FBXL17: variants seen among roughly 807,000 people sequenced by gnomAD.
FBXL17 encodes the protein F-box and leucine rich repeat protein 17.
Under a neutral mutation model 66.2 loss-of-function variants are expected in FBXL17, and 22 were observed. The observed-to-expected ratio is 0.33, with a 90% CI of 0.24 to 0.47. The LOEUF (loss-of-function observed/expected upper bound fraction) is 0.47, where lower values mean the gene tolerates loss of function less well. Ranked by LOEUF, FBXL17 falls within the 20% of genes least tolerant of loss-of-function variation. The probability of loss-of-function intolerance (pLI) is 1.00; values close to 1 mark genes in which losing one functional copy is unlikely to be tolerated. For synonymous variants in FBXL17, 474 were observed against 400.5 expected, an observed-to-expected ratio of 1.18 and a Z score of -2.19; for missense variants, 878 against 948.2, an observed-to-expected ratio of 0.93 and a Z score of 0.97.
At chr5:107,980,664 A>ATATATATATATATATATATATATTT in intron 7 of FBXL17, among the ~76,000 whole-genome samples, 3 of 62,064 alleles carry the variant, frequency 4.8e-5, no homozygotes, top group African/African-American at 3.1e-4. Flanking sequence ...ATATATATAT[A>ATATATATATATATATATATATATTT]TTTTTTTTTT....
intron 1 of FBXL17, among the ~76,000 whole-genome samples, chr5:108,372,482 A>G (rs1749111813): frequency 6.6e-6 from 1 of 152,234 alleles, no homozygotes; most frequent in Admixed American, 6.5e-5. Context: ...ATGCATCATA[A>G]TCAAATTGTT....
chr5:108,205,540 G>C (rs558741935), intron 5 of FBXL17, among the ~76,000 whole-genome samples: 2 of 152,228 alleles, frequency 1.3e-5, no homozygotes, highest in South Asian at 4.1e-4. Context: ...TTTGTCTTGA[G>C]TGTTTTCTAT....
intron 6 of FBXL17, among the ~76,000 whole-genome samples, chr5:108,024,826 C>G (rs1295822573): frequency 6.6e-6 from 1 of 152,076 alleles, no homozygotes; most frequent in Admixed American, 6.6e-5. Flanking sequence ...AGAAAGGTTA[C>G]TTTGGTAAGC....
chr5:107,864,244 C>A (rs1748212408), intron 8 of FBXL17, among the ~76,000 whole-genome samples: 1 of 152,178 alleles, frequency 6.6e-6, no homozygotes. Flanking sequence ...AATTCATGAT[C>A]TCTTAGGGCC....
At chr5:108,280,545 G>C (rs1757660050) in intron 4 of FBXL17, among the ~76,000 whole-genome samples, 1 of 151,564 alleles carries the variant, frequency 6.6e-6, no homozygotes, top group African/African-American at 2.4e-5. Flanking sequence ...TCACACAAAG[G>C]AGAAAGGGAA....
rs546304947 is a variant in FBXL17 at position 108,328,733 on chromosome 5, G to A, written c.1506+19666C>T. Among the ~76,000 whole-genome samples, 8 of 151,870 alleles carry A rather than the reference G, an allele frequency of 5.3e-5. No homozygotes were observed. The East Asian group carries it at 1.2e-3, about 22-fold the overall frequency. ...TTTTATGAGAACAAGGATTATTTGG[G>A]CCTCTTTCTTATATATCTCAATATA... On this transcript the variant is annotated intron_variant, in intron 4 of 8. Transcript: ENST00000542267.
chr5:107,908,601 T>A (rs1184882461), intron 7 of FBXL17, among the ~76,000 whole-genome samples: 1 of 152,130 alleles, frequency 6.6e-6, no homozygotes. Flanking sequence ...GTAGGGATAA[T>A]CTCATATGTG....
intron 3 of FBXL17, among the ~76,000 whole-genome samples, chr5:108,359,730 G>A (rs995638145): frequency 7.2e-5 from 11 of 152,058 alleles, no homozygotes; most frequent in Admixed American, 1.3e-4. Flanking sequence ...GTCTATCTGT[G>A]AGACTGTTCC....
chr5:108,243,234 T>C (rs1435504667), intron 4 of FBXL17, among the ~76,000 whole-genome samples: 1 of 152,186 alleles, frequency 6.6e-6, no homozygotes, highest in Non-Finnish European at 1.5e-5. Flanking sequence ...CTATGATAAG[T>C]TAAATACGAC....
At chr5:108,015,872 A>G (rs1754366301) in intron 7 of FBXL17, among the ~76,000 whole-genome samples, 1 of 152,154 alleles carries the variant, frequency 6.6e-6, no homozygotes, top group South Asian at 2.1e-4. Context: ...AAAACGATGA[A>G]TAATGTCACC....
At chr5:108,156,377 A>G (rs1478477060) in intron 6 of FBXL17, among the ~76,000 whole-genome samples, 1 of 152,032 alleles carries the variant, frequency 6.6e-6, no homozygotes, top group Non-Finnish European at 1.5e-5. Context: ...CAACATAGGA[A>G]AAAAATCAAT....
chr5:108,154,224 A>C (rs1349196998), intron 6 of FBXL17, among the ~76,000 whole-genome samples: 9 of 151,456 alleles, frequency 5.9e-5, no homozygotes, highest in Non-Finnish European at 1.5e-5. Context: ...GATATTACAG[A>C]AAACAGAGAC....
intron 7 of FBXL17, among the ~76,000 whole-genome samples, chr5:107,930,246 C>T (rs1750684740): frequency 6.6e-6 from 1 of 152,134 alleles, no homozygotes; most frequent in Admixed American, 6.6e-5. Context: ...TTGTCCATTC[C>T]CCCTGTTTCT....
At chr5:108,248,928 A>G (rs908110720) in intron 4 of FBXL17, among the ~76,000 whole-genome samples, 5 of 152,180 alleles carry the variant, frequency 3.3e-5, no homozygotes, top group African/African-American at 1.2e-4. Context: ...CCCTAAAAGT[A>G]TAAGAGAAAG....
At chr5:107,988,077 G>T (rs1282347149) in intron 7 of FBXL17, among the ~76,000 whole-genome samples, 1 of 151,842 alleles carries the variant, frequency 6.6e-6, no homozygotes, top group East Asian at 1.9e-4. Flanking sequence ...AAACAAGAAT[G>T]TCATCAGGTT....
intron 4 of FBXL17, among the ~76,000 whole-genome samples, chr5:108,320,023 A>G (rs1759544505): frequency 6.6e-6 from 1 of 151,782 alleles, no homozygotes; most frequent in South Asian, 2.1e-4. Flanking sequence ...CTTACCTCAA[A>G]AAACATTTTC....
chr5:108,101,849 C>T (rs1046936038), intron 6 of FBXL17, among the ~76,000 whole-genome samples: 2 of 152,152 alleles, frequency 1.3e-5, no homozygotes, highest in East Asian at 3.9e-4. Flanking sequence ...CTGTACAGGG[C>T]ATGCCACTTA....
At chr5:108,271,822 A>G (rs938881821) in intron 4 of FBXL17, among the ~76,000 whole-genome samples, 3 of 152,182 alleles carry the variant, frequency 2.0e-5, no homozygotes, top group African/African-American at 4.8e-5. Context: ...AAGATCTCCA[A>G]AACAGGAATT....
At chr5:108,124,134 G>C (rs1750606671) in intron 6 of FBXL17, among the ~76,000 whole-genome samples, 1 of 151,960 alleles carries the variant, frequency 6.6e-6, no homozygotes, top group Non-Finnish European at 1.5e-5. Flanking sequence ...TAAAGTTTTG[G>C]CCAACTTCAC....
Sources: allele counts gnomAD v4.1 joint callset (sites outside exome capture counted in the v4.1 genomes callset), GRCh38; gene constraint gnomAD v4.1.1; transcripts MANE v1.5; gene names NCBI Gene and HGNC (gene_info 2026-07-23, HGNC 2026-07-21).